Variants in SLC4A4 observed in about 807,000 individuals in gnomAD.
The protein encoded by SLC4A4 is solute carrier family 4 member 4.
SLC4A4 carries 27 observed loss-of-function variants against 111.5 expected under a neutral mutation model. The ratio of observed to expected loss-of-function variants is 0.24; its 90% CI spans 0.18 to 0.33. The LOEUF (loss-of-function observed/expected upper bound fraction) is 0.33. SLC4A4 is among the 10% of genes least tolerant of loss of function. The probability of loss-of-function intolerance (pLI) is 1.00; values close to 1 mark genes in which losing one functional copy is unlikely to be tolerated. For missense variants in SLC4A4, 909 were observed against 1,315.5 expected (o/e 0.69, Z 4.78); for synonymous variants, 443 against 463.4 (o/e 0.96, Z 0.57).
Position 71,350,086 on chromosome 4 carries a change from T to G in SLC4A4, c.550+14T>G. ...CACAGTTGGTGGGTAAGTATGCTGT[T>G]TGAATTTTATCCTATTTTTTTCGGC... is the stretch of plus-strand genomic sequence containing the variant. On this transcript the variant is annotated intron_variant, in intron 5 of 25. Coordinates refer to ENST00000264485, the MANE Select transcript of SLC4A4 (RefSeq NM_001098484.3). The G allele has an allele frequency of 6.2e-7, 1 of 1,613,914 alleles. No individual in the cohort carries two copies. The highest frequency in any genetic ancestry group is 1.3e-5 in the African/African-American group (1 of 75,034).
At chr4:71,333,869 T>A (rs148027408) in intron 3 of SLC4A4, among the ~76,000 whole-genome samples, 3,737 of 142,678 alleles carry the variant, frequency 0.026, 82 homozygotes, top group Non-Finnish European at 0.036. Flanking sequence ...TCAGTCAGCT[T>A]ATGGTGAATG....
chr4:71,229,789 G>C (rs896147076), intron 1 of SLC4A4, among the ~76,000 whole-genome samples: 3 of 151,596 alleles, frequency 2.0e-5, no homozygotes, highest in African/African-American at 7.3e-5. Context: ...GGGAATGAAA[G>C]GCCTTCTTAG....
chr4:71,128,485 T>G (rs1402705231), intron 2 of SLC4A4, among the ~76,000 whole-genome samples: 1 of 152,044 alleles, frequency 6.6e-6, no homozygotes, highest in Admixed American at 6.6e-5. Context: ...AATTGGGGTA[T>G]CAAAGACAGT....
intron 2 of SLC4A4, among the ~76,000 whole-genome samples, chr4:71,093,050 A>G (rs577239349): frequency 2.4e-4 from 36 of 151,474 alleles, no homozygotes; most frequent in African/African-American, 8.0e-4. Flanking sequence ...AACCGAGATC[A>G]CGCCACTGCA....
chr4:71,397,928 C>G (rs528957523), intron 7 of SLC4A4, among the ~76,000 whole-genome samples: 9 of 152,148 alleles, frequency 5.9e-5, no homozygotes, highest in Admixed American at 6.5e-5. Flanking sequence ...GTAATAATCC[C>G]TGCCTTCTGT....
intron 2 of SLC4A4, among the ~76,000 whole-genome samples, chr4:71,094,778 G>A (rs986009421): frequency 3.3e-5 from 5 of 150,350 alleles, no homozygotes; most frequent in Non-Finnish European, 7.4e-5. Flanking sequence ...TGTGGTTCAC[G>A]AGTCCTCATT....
intron 3 of SLC4A4, among the ~76,000 whole-genome samples, chr4:71,316,368 G>A (rs1726677900): frequency 6.6e-6 from 1 of 152,070 alleles, no homozygotes; most frequent in South Asian, 2.1e-4. Context: ...TTGTAATGTG[G>A]ATCTGCAAAT....
chr4:71,562,481 A>C (rs1342281649), intron 23 of SLC4A4, among the ~76,000 whole-genome samples: 1 of 151,784 alleles, frequency 6.6e-6, no homozygotes, highest in Non-Finnish European at 1.5e-5. Flanking sequence ...TTCTTGTTAC[A>C]TTGATCCCTT....
chr4:71,437,305 A>G (rs907254698), intron 7 of SLC4A4: 13 of 364,816 alleles, frequency 3.6e-5, no homozygotes, highest in African/African-American at 2.8e-4. Flanking sequence ...GCCACTTCCA[A>G]TAACACGGTT....
chr4:71,530,585 A>G (rs184953342), intron 16 of SLC4A4, among the ~76,000 whole-genome samples: 7 of 152,176 alleles, frequency 4.6e-5, no homozygotes, highest in African/African-American at 7.2e-5. Flanking sequence ...CTTCCTCAGT[A>G]TGTACTTTTC....
At chr4:71,258,658 A>C (rs1467151050) in intron 3 of SLC4A4, among the ~76,000 whole-genome samples, 3 of 152,220 alleles carry the variant, frequency 2.0e-5, no homozygotes, top group Non-Finnish European at 4.4e-5. Flanking sequence ...CTTATATCCT[A>C]GATAGAGATC....
At chr4:71,322,247 A>C (rs1206929334) in intron 3 of SLC4A4, among the ~76,000 whole-genome samples, 1 of 152,024 alleles carries the variant, frequency 6.6e-6, no homozygotes, top group African/African-American at 2.4e-5. Context: ...CACACTTCTC[A>C]GTATTGCTAT....
In SLC4A4 at chr4:71,388,656, C is replaced by T. The variant is rs1406215584; in HGVS notation, c.731-8921C>T. 5.3e-5 allele frequency among the ~76,000 whole-genome samples: 8 copies of T among 152,212 alleles called. No individual in the cohort carries two copies. In the East Asian group the frequency reaches 9.6e-4, roughly 18 times the overall value. On this transcript the variant is annotated intron_variant, in intron 6 of 25. Coordinates refer to ENST00000264485, the MANE Select transcript of SLC4A4 (RefSeq NM_001098484.3). ...ACTCCTGGGCCCAAGCAGTCCTCTC[C>T]CCGCCCCACTGCCTCTCTAGTAGCT...
At chr4:71,520,079 A>G (rs1037113964) in intron 16 of SLC4A4, among the ~76,000 whole-genome samples, 2 of 152,336 alleles carry the variant, frequency 1.3e-5, no homozygotes, top group South Asian at 2.1e-4. Context: ...ATAGTGTTTT[A>G]TAATTAAAAC....
intron 1 of SLC4A4, among the ~76,000 whole-genome samples, chr4:71,190,381 T>A (rs542181479): frequency 7.7e-6 from 1 of 129,410 alleles, no homozygotes; most frequent in East Asian, 2.2e-4. Flanking sequence ...TGTCTATGTA[T>A]GTTTACACAC....
rs1825666 is a variant in SLC4A4, at chr4:71,121,370, G to A, written c.-2+28578G>A. Among the ~76,000 whole-genome samples, 62 of 152,338 alleles carry A rather than the reference G, an allele frequency of 4.1e-4. 1 individual carries two copies. Among genetic ancestry groups the A allele is most frequent in the African/African-American group, 1.5e-3 (61 of 41,590 alleles). On this transcript the variant is annotated intron_variant, in intron 2 of 26. Coordinates refer to the SLC4A4 transcript ENST00000649996. ...TGAGGAGTGCAGGCACCAGGCGTGG[G>A]ACTGGCGGGCAGCTCCGCCCGCGGC... is the stretch of plus-strand genomic sequence containing the variant.
At chr4:71,563,139 A>G (rs1341149204) in intron 23 of SLC4A4, among the ~76,000 whole-genome samples, 2 of 151,806 alleles carry the variant, frequency 1.3e-5, no homozygotes, top group Admixed American at 6.6e-5. Context: ...CATTTCCATT[A>G]TGATTCTCTG....
chr4:71,099,673 A>G (rs1742659430), intron 2 of SLC4A4, among the ~76,000 whole-genome samples: 1 of 152,146 alleles, frequency 6.6e-6, no homozygotes, highest in African/African-American at 2.4e-5. Context: ...TAAAAAAATT[A>G]ATGAGATTGA....
At chr4:71,552,904 G>A (rs1292960163) in intron 20 of SLC4A4, among the ~76,000 whole-genome samples, 1 of 151,700 alleles carries the variant, frequency 6.6e-6, no homozygotes, top group African/African-American at 2.4e-5. Flanking sequence ...TTCTTAAAAT[G>A]CATCTTCTCT....
Sources: gnomAD v4.1 joint callset for allele counts (sites outside exome capture counted in the v4.1 genomes callset) on GRCh38, gnomAD v4.1.1 for gene constraint, MANE v1.5 for transcripts, NCBI Gene and HGNC (gene_info 2026-07-23, HGNC 2026-07-21) for gene names.